Variants in ATP6V0A4 observed in about 807,000 individuals in gnomAD.
ATP6V0A4 encodes V-type proton ATPase 116 kDa subunit a 4.
ATP6V0A4 carries 86 observed loss-of-function variants against 107.3 expected under a neutral mutation model. That is an observed-to-expected ratio of 0.80 (90% CI 0.67 to 0.96). The LOEUF (loss-of-function observed/expected upper bound fraction) is 0.96. Ranked by LOEUF, ATP6V0A4 falls within the 40% of genes least tolerant of loss-of-function variation. The probability of loss-of-function intolerance (pLI) is 0.00; values close to 1 mark genes in which losing one functional copy is unlikely to be tolerated. For synonymous variants in ATP6V0A4, 353 were observed against 381.4 expected, an observed-to-expected ratio of 0.93 and a Z score of 0.87; for missense variants, 908 against 1,045.6, an observed-to-expected ratio of 0.87 and a Z score of 1.81.
At chr7:138,720,415 C>A (rs1343251630) in intron 19 of ATP6V0A4, among the ~76,000 whole-genome samples, 1 of 152,056 alleles carries the variant, frequency 6.6e-6, no homozygotes, top group Non-Finnish European at 1.5e-5. Flanking sequence ...TGGAAATTGT[C>A]TGGATATAGA....
chr7:138,746,830 C>T (rs1805976375), intron 13 of ATP6V0A4, among the ~76,000 whole-genome samples: 1 of 152,084 alleles, frequency 6.6e-6, no homozygotes, highest in African/African-American at 2.4e-5. Context: ...ACCAATGCAC[C>T]CTCCTGAGTT....
intron 20 of ATP6V0A4, among the ~76,000 whole-genome samples, chr7:138,710,717 T>C (rs1272472385): frequency 6.6e-6 from 1 of 152,154 alleles, no homozygotes; most frequent in Admixed American, 6.5e-5. Context: ...AGGAGGTGAA[T>C]TCAGCCTCAC....
chr7:138,794,897 ATT>A (rs34650343), intron 1 of ATP6V0A4, among the ~76,000 whole-genome samples: 2,510 of 103,952 alleles, frequency 0.024, 76 homozygotes, highest in African/African-American at 0.08. Context: ...AGCCCACCCT[ATT>A]TTTTTTTTTT....
chr7:138,777,364 C>T (rs908869019), intron 2 of ATP6V0A4, among the ~76,000 whole-genome samples: 5 of 151,958 alleles, frequency 3.3e-5, no homozygotes, highest in African/African-American at 1.2e-4. Context: ...CCTGTCATCC[C>T]AGCACTTTGG....
At chr7:138,774,578 C>T (rs57650495) in intron 2 of ATP6V0A4, among the ~76,000 whole-genome samples, 1 of 118,348 alleles carries the variant, frequency 8.4e-6, no homozygotes, top group Non-Finnish European at 1.9e-5. Flanking sequence ...CAGACTCCAT[C>T]TCAAAAATAA....
At chr7:138,757,828 G>C (rs989354510) in intron 8 of ATP6V0A4, among the ~76,000 whole-genome samples, 1 of 152,186 alleles carries the variant, frequency 6.6e-6, no homozygotes, top group African/African-American at 2.4e-5. Context: ...TCAACGTCAC[G>C]TCAACTCAGT....
In ATP6V0A4 at chr7:138,742,488, A is replaced by G. The variant is rs190820454; in HGVS notation, c.1478+2635T>C. Among the ~76,000 whole-genome samples the G allele has an allele frequency of 6.8e-4, 104 of 152,282 alleles. 1 individual carries two copies. The East Asian group carries it at 0.016, about 23-fold the overall frequency. On this transcript the variant is annotated intron_variant, in intron 14 of 21. Coordinates refer to ENST00000310018, the MANE Select transcript of ATP6V0A4 (RefSeq NM_020632.3). Reference sequence around the variant, plus strand: ...TCTCTATACTTATGAGTTTAAATCTAAAGAGCAGAACTAAGTGTAAGAATG... The same window carrying G: ...TCTCTATACTTATGAGTTTAAATCTGAAGAGCAGAACTAAGTGTAAGAATG...
intron 1 of ATP6V0A4, among the ~76,000 whole-genome samples, chr7:138,794,046 C>T (rs1808544640): frequency 6.6e-6 from 1 of 152,178 alleles, no homozygotes; most frequent in African/African-American, 2.4e-5. Flanking sequence ...TTGTTCTCTC[C>T]AAATTACAGA....
intron 14 of ATP6V0A4, among the ~76,000 whole-genome samples, chr7:138,743,053 A>G (rs1805713835): frequency 6.6e-6 from 1 of 152,158 alleles, no homozygotes; most frequent in South Asian, 2.1e-4. Flanking sequence ...AAACAAGAAG[A>G]GACTGCGTTA....
rs1805073548 is a variant in ATP6V0A4 at position 138,732,585 on chromosome 7, T to A, written c.1908+292A>T. On this transcript the variant is annotated intron_variant, in intron 17 of 21. Coordinates refer to ENST00000310018, the MANE Select transcript of ATP6V0A4 (RefSeq NM_020632.3). Reference sequence around the variant, plus strand: ...AAAGCAGGTAGATTGCTTGAGGTCATGAGTTCGAGAGCAGCCTGGCCAACA... The same window carrying A: ...AAAGCAGGTAGATTGCTTGAGGTCAAGAGTTCGAGAGCAGCCTGGCCAACA... Among the ~76,000 whole-genome samples the A allele has an allele frequency of 3.3e-5, 5 of 152,064 alleles. No individual in the cohort carries two copies. The South Asian group carries it at 1.0e-3, about 32-fold the overall frequency.
At chr7:138,746,795 T>C (rs1975803) in intron 13 of ATP6V0A4, among the ~76,000 whole-genome samples, 89,884 of 151,960 alleles carry the variant, frequency 0.59, 26,919 homozygotes, top group East Asian at 0.81. Flanking sequence ...TGAGCCACTG[T>C]GCCTGGCCAG....
intron 10 of ATP6V0A4, 159 bp from the exon 11 acceptor site, chr7:138,752,996 T>A: frequency 1.2e-6 from 1 of 831,666 alleles, no homozygotes; most frequent in East Asian, 1.2e-4. Flanking sequence ...CTGAGCAGTT[T>A]ATCTCCCCCG....
At chr7:138,763,590 T>C (rs922153589) in intron 5 of ATP6V0A4, among the ~76,000 whole-genome samples, 3 of 152,166 alleles carry the variant, frequency 2.0e-5, no homozygotes, top group Non-Finnish European at 4.4e-5. Flanking sequence ...ATCGTGCCAC[T>C]GCACTCTAGC....
intron 21 of ATP6V0A4, among the ~76,000 whole-genome samples, chr7:138,707,068 A>ATGTGTGTGTGTGTGTGTGTGTGTG (rs10669320): frequency 5.1e-4 from 46 of 90,090 alleles, no homozygotes; most frequent in South Asian, 1.7e-3. Flanking sequence ...GCTAATTTAT[A>ATGTGTGTGTGTGTGTGTGTGTGTG]TGTGTGTGTG....
intron 15 of ATP6V0A4, among the ~76,000 whole-genome samples, chr7:138,738,468 T>A (rs1429398478): frequency 1.3e-5 from 2 of 152,142 alleles, no homozygotes; most frequent in Non-Finnish European, 2.9e-5. Flanking sequence ...CCCGTCTAGA[T>A]TCCTTCTCCA....
rs1384757871 is a variant in ATP6V0A4, at chr7:138,759,615, G to GGAAAAAAAGGA, written c.639+126_639+136dup. 4.1e-6 allele frequency: 4 copies of GGAAAAAAAGGA among 967,208 alleles called. No individual in the cohort carries two copies. The South Asian group carries it at 5.9e-5, about 14-fold the overall frequency. The allele number at this position is 967,208 out of a possible 1,614,324, so 59.9% of individuals were successfully genotyped here. A position where few individuals can be genotyped will look rare whatever the true frequency, so the allele number is the denominator to read the frequency against. Reference sequence around the variant, plus strand: ...TAAAAAGGAACAAAGTAAAAGGGAAGGAAAAAAAGGAGAAAAAAAGGAAAT... The same window carrying GGAAAAAAAGGA: ...TAAAAAGGAACAAAGTAAAAGGGAAGGAAAAAAAGGAGAAAAAAAGGAGAAAAAAAGGAAAT... On this transcript the variant is annotated intron_variant, in intron 8 of 21. Coordinates refer to ENST00000310018, the MANE Select transcript of ATP6V0A4 (RefSeq NM_020632.3).
chr7:138,719,007 A>C (rs555301762), intron 19 of ATP6V0A4, among the ~76,000 whole-genome samples: 1 of 152,172 alleles, frequency 6.6e-6, no homozygotes, highest in African/African-American at 2.4e-5. Context: ...CAACAAAGTG[A>C]GACCCCATCT....
intron 11 of ATP6V0A4, among the ~76,000 whole-genome samples, chr7:138,750,960 C>A (rs1017609658): frequency 2.5e-4 from 38 of 152,152 alleles, no homozygotes; most frequent in African/African-American, 9.2e-4. Context: ...TAACCCATTC[C>A]TACTGCAAGG....
rs33940158 is a variant in ATP6V0A4 at position 138,759,052 on chromosome 7, ATTTTTTTT to A, written c.639+692_639+699del. 1.5e-4 allele frequency among the ~76,000 whole-genome samples: 8 copies of A among 54,570 alleles called. No individual in the cohort carries two copies. The South Asian group carries it at 3.0e-3, about 21-fold the overall frequency. 35.8% of individuals were successfully genotyped at this position (54,570 alleles called of 152,430 possible). ...AGGCATGAGCCACCATGCCCAGCCT[ATTTTTTTT>A]TTTTTTTTTTTTTTTTTGAGATAGG... On this transcript the variant is annotated intron_variant, in intron 8 of 21. Coordinates refer to ENST00000310018, the MANE Select transcript of ATP6V0A4 (RefSeq NM_020632.3).
Sources: allele counts gnomAD v4.1 joint callset (sites outside exome capture counted in the v4.1 genomes callset), GRCh38; gene constraint gnomAD v4.1.1; transcripts MANE v1.5; gene names NCBI Gene and HGNC (gene_info 2026-07-23, HGNC 2026-07-21).